CACNA1E: variants seen among roughly 807,000 people sequenced by gnomAD.
CACNA1E encodes the protein voltage-dependent R-type calcium channel subunit alpha-1E.
Under a neutral mutation model 259.2 loss-of-function variants are expected in CACNA1E, and 40 were observed. That is an observed-to-expected ratio of 0.15 (90% CI 0.12 to 0.20). CACNA1E has a LOEUF of 0.20. Ranked by LOEUF, CACNA1E falls within the 10% of genes least tolerant of loss-of-function variation. CACNA1E has a pLI of 1.00. For missense variants in CACNA1E, 1,874 were observed against 3,040.1 expected (o/e 0.62, Z 9.02); for synonymous variants, 1,104 against 1,138.5 (o/e 0.97, Z 0.61).
At chr1:181,367,706 G>GTTGAC (rs1335026002) in intron 1 of CACNA1E, among the ~76,000 whole-genome samples, 1 of 151,116 alleles carries the variant, frequency 6.6e-6, no homozygotes, top group Non-Finnish European at 1.5e-5. Flanking sequence ...AGAGTAACTA[G>GTTGAC]TTGACTACTT....
At chr1:181,652,369 G>A (rs1408918556) in intron 7 of CACNA1E, among the ~76,000 whole-genome samples, 1 of 152,196 alleles carries the variant, frequency 6.6e-6, no homozygotes, top group Admixed American at 6.5e-5. Flanking sequence ...TGGCACTTCT[G>A]TTTAAACATG....
chr1:181,378,986 A>G (rs552637407), intron 1 of CACNA1E, among the ~76,000 whole-genome samples: 119 of 152,348 alleles, frequency 7.8e-4, no homozygotes, highest in Non-Finnish European at 1.0e-3. Flanking sequence ...CCAGGCATGC[A>G]AAGAAGCAGG....
At chr1:181,655,282 T>C (rs1301005446) in intron 7 of CACNA1E, among the ~76,000 whole-genome samples, 1 of 152,136 alleles carries the variant, frequency 6.6e-6, no homozygotes, top group East Asian at 1.9e-4. Flanking sequence ...GCATGACTAA[T>C]GGAAAGTGAG....
chr1:181,742,213 C>A (rs1451376573), intron 25 of CACNA1E, among the ~76,000 whole-genome samples: 1 of 152,152 alleles, frequency 6.6e-6, no homozygotes, highest in Non-Finnish European at 1.5e-5. Flanking sequence ...GAATTCAGCT[C>A]TCCCATCACT....
intron 6 of CACNA1E, among the ~76,000 whole-genome samples, chr1:181,592,419 C>T (rs1033567673): frequency 6.8e-6 from 1 of 148,068 alleles, no homozygotes; most frequent in African/African-American, 2.5e-5. Context: ...AGCTGCTGTC[C>T]GCAGGGACTA....
At chr1:181,346,529 AC>A (rs1652604965) in intron 1 of CACNA1E, among the ~76,000 whole-genome samples, 1 of 152,192 alleles carries the variant, frequency 6.6e-6, no homozygotes, top group African/African-American at 2.4e-5. Context: ...CTTGTAGGCT[AC>A]ATTATAGGTC....
intron 8 of CACNA1E, 128 bp downstream of exon 8, chr1:181,711,197 T>C: frequency 3.0e-6 from 2 of 677,192 alleles, no homozygotes; most frequent in South Asian, 3.6e-5. Flanking sequence ...GGATGCTTGG[T>C]TGGCTCTTAA....
chr1:181,763,833 T>C (rs957129746), intron 34 of CACNA1E, among the ~76,000 whole-genome samples: 7 of 152,212 alleles, frequency 4.6e-5, no homozygotes, highest in African/African-American at 9.6e-5. Flanking sequence ...GCTTCATCCA[T>C]AGAGATTCCA....
At chr1:181,575,537 C>T (rs1056719262) in intron 3 of CACNA1E, among the ~76,000 whole-genome samples, 3 of 152,104 alleles carry the variant, frequency 2.0e-5, no homozygotes, top group African/African-American at 7.2e-5. Flanking sequence ...CATTTTTCCC[C>T]TCTACATTTG....
At chr1:181,583,449 G>A (rs1340365581) in intron 6 of CACNA1E, among the ~76,000 whole-genome samples, 2 of 152,152 alleles carry the variant, frequency 1.3e-5, no homozygotes, top group East Asian at 1.9e-4. Context: ...GTGGTGCAAC[G>A]AACATGTAAG....
At chr1:181,490,601 C>T (rs1349279368) in intron 1 of CACNA1E, among the ~76,000 whole-genome samples, 1 of 148,104 alleles carries the variant, frequency 6.8e-6, no homozygotes, top group Non-Finnish European at 1.5e-5. Context: ...TGCAACTCTG[C>T]ATAATCTTGA....
intron 38 of CACNA1E, among the ~76,000 whole-genome samples, chr1:181,780,856 T>TGC (rs1376923133): frequency 6.6e-6 from 1 of 152,090 alleles, no homozygotes; most frequent in Non-Finnish European, 1.5e-5. Context: ...CGCCTCCTGC[T>TGC]GCACACACAC....
At chr1:181,443,610 A>C (rs755122574) in intron 2 of CACNA1E, among the ~76,000 whole-genome samples, 9 of 152,208 alleles carry the variant, frequency 5.9e-5, no homozygotes, top group Non-Finnish European at 1.3e-4. Flanking sequence ...ACCTCACTAC[A>C]CAGCTATAAA....
At chr1:181,569,294 G>A (rs1035165620) in intron 3 of CACNA1E, among the ~76,000 whole-genome samples, 3 of 152,218 alleles carry the variant, frequency 2.0e-5, no homozygotes, top group Non-Finnish European at 4.4e-5. Context: ...CTCTGGGATG[G>A]AGCTAAGCCT....
intron 6 of CACNA1E, among the ~76,000 whole-genome samples, chr1:181,587,540 G>C (rs1652186775): frequency 6.6e-6 from 1 of 152,202 alleles, no homozygotes; most frequent in Non-Finnish European, 1.5e-5. Context: ...AGGTGGCGGA[G>C]AAACCGTGAA....
At chr1:181,551,042 C>T (rs549795333) in intron 3 of CACNA1E, among the ~76,000 whole-genome samples, 13 of 152,094 alleles carry the variant, frequency 8.5e-5, no homozygotes, top group South Asian at 4.1e-4. Context: ...GGGGAAGAAA[C>T]GGGACATTTA....
intron 1 of CACNA1E, among the ~76,000 whole-genome samples, chr1:181,319,182 T>A (rs972392163): frequency 1.3e-5 from 2 of 152,200 alleles, no homozygotes; most frequent in Admixed American, 6.5e-5. Context: ...GGAACATTGA[T>A]GCATACTTAC....
At chr1:181,337,029 A>T (rs1032297225) in intron 1 of CACNA1E, among the ~76,000 whole-genome samples, 3 of 119,922 alleles carry the variant, frequency 2.5e-5, no homozygotes, top group Non-Finnish European at 3.7e-5. Flanking sequence ...TCTATATTTT[A>T]TATATTTAAG....
chr1:181,352,201 A>G (rs1304710789), intron 1 of CACNA1E, among the ~76,000 whole-genome samples: 1 of 152,088 alleles, frequency 6.6e-6, no homozygotes. Flanking sequence ...GAGGGATGAG[A>G]AGTTTGGGGT....
Sources: allele counts gnomAD v4.1 joint callset (sites outside exome capture counted in the v4.1 genomes callset), GRCh38; gene constraint gnomAD v4.1.1; transcripts MANE v1.5; gene names NCBI Gene and HGNC (gene_info 2026-07-23, HGNC 2026-07-21).